AJAP1: variants seen among roughly 807,000 people sequenced by gnomAD.
The protein encoded by AJAP1 is adherens junctions associated protein 1.
AJAP1 carries 5 observed loss-of-function variants against 35.0 expected under a neutral mutation model. The observed-to-expected ratio is 0.14, with a 90% CI of 0.07 to 0.30. The LOEUF is 0.30. AJAP1 is among the 10% of genes least tolerant of loss of function. AJAP1 has a pLI of 1.00. For missense variants in AJAP1, 586 were observed against 571.0 expected, an observed-to-expected ratio of 1.03 and a Z score of -0.27; for synonymous variants, 284 against 249.3, an observed-to-expected ratio of 1.14 and a Z score of -1.31.
At chr1:4,691,537 GGCCTCCAGGTCC>G (rs1639739311) in intron 1 of AJAP1, among the ~76,000 whole-genome samples, 1 of 152,198 alleles carries the variant, frequency 6.6e-6, no homozygotes, top group Non-Finnish European at 1.5e-5. Context: ...GAGGAGCTTG[GGCCTCCAGGTCC>G]TGTGTGCCTC....
chr1:4,673,702 T>G (rs2100518935), intron 1 of AJAP1, among the ~76,000 whole-genome samples: 1 of 152,266 alleles, frequency 6.6e-6, no homozygotes, highest in South Asian at 2.1e-4. Context: ...ATGTCCTGGC[T>G]TTGTGTCTCT....
rs1642159056 is a variant in AJAP1 at position 4,786,172 on chromosome 1, A to G, written c.*3687A>G. The G allele has an allele frequency of 6.6e-6, 1 of 151,962 alleles. No homozygotes were observed. The highest frequency in any genetic ancestry group is 1.5e-5 in the Non-Finnish European group (1 of 68,014). The allele number at this position is 151,962 out of a possible 1,614,324, so 9.4% of individuals were successfully genotyped here. ...TCTCACGCAACGTGGAAGCGTGGTG[A>G]CACCCTGGGGTGTGTGGAGGTGGCT... On this transcript the variant is annotated 3_prime_UTR_variant, in exon 6 of 6. Transcript: ENST00000378191.
intron 2 of AJAP1, among the ~76,000 whole-genome samples, chr1:4,739,979 A>T (rs760661269): frequency 1.8e-4 from 27 of 152,128 alleles, no homozygotes; most frequent in Admixed American, 3.3e-4. Flanking sequence ...CCAGCTCACG[A>T]CACCTCTCAT....
chr1:4,681,664 C>T (rs1557606484), intron 1 of AJAP1, among the ~76,000 whole-genome samples: 1 of 152,234 alleles, frequency 6.6e-6, no homozygotes. Flanking sequence ...CCAAGCCTCA[C>T]TCCCATCAGA....
Position 4,720,971 on chromosome 1 carries a change from G to A in AJAP1, c.829+8272G>A, listed in dbSNP as rs1640502504. 1.3e-5 allele frequency among the ~76,000 whole-genome samples: 2 copies of A among 152,218 alleles called. No individual in the cohort carries two copies. Among genetic ancestry groups the A allele is most frequent in the Admixed American group, 1.3e-4 (2 of 15,290 alleles). On this transcript the variant is annotated intron_variant, in intron 2 of 5. Coordinates refer to ENST00000378191, the MANE Select transcript of AJAP1 (RefSeq NM_018836.4). The surrounding 1 kb of genome is among the most constrained non-coding windows in gnomAD (Gnocchi z 4.4). ...GAGGCGTGGTTTGTGTGAGCCCCAT[G>A]GAGAGGATGGGGGACAGGGATGGGG...
Position 4,740,740 on chromosome 1 carries a change from C to T in AJAP1, c.829+28041C>T, listed in dbSNP as rs370809635. On this transcript the variant is annotated intron_variant, in intron 2 of 5. Transcript: ENST00000378191. ...GGAGGAGCTTACAGTGAGCCGAGAT[C>T]GCACCACTGCACTCCAGCCTGGGCA... Among the ~76,000 whole-genome samples, 9 of 138,558 alleles carry T rather than the reference C, an allele frequency of 6.5e-5. No homozygotes were observed. In the South Asian group the frequency reaches 7.1e-4, roughly 11 times the overall value. 90.9% of individuals were successfully genotyped at this position (138,558 alleles called of 152,430 possible). A position where few individuals can be genotyped will look rare whatever the true frequency, so the allele number is the denominator to read the frequency against.
chr1:4,783,467 G>GTATA lies in AJAP1; in HGVS notation c.*983_*984insATAT, dbSNP rs1306923807. On this transcript the variant is annotated 3_prime_UTR_variant, in exon 6 of 6. Coordinates refer to ENST00000378191, the MANE Select transcript of AJAP1 (RefSeq NM_018836.4). ...AAGAATGCCAAGGTTTTATATATGT[G>GTATA]TGTGTATATATATATATATATATAT... 6.4e-5 allele frequency: 2 copies of GTATA among 31,364 alleles called. No individual in the cohort carries two copies. The highest frequency in any genetic ancestry group is 4.6e-4 in the African/African-American group (2 of 4,316). 1.9% of individuals were successfully genotyped at this position (31,364 alleles called of 1,614,324 possible).
intron 1 of AJAP1, among the ~76,000 whole-genome samples, chr1:4,699,399 G>A (rs145376977): frequency 3.3e-5 from 5 of 152,314 alleles, no homozygotes; most frequent in Non-Finnish European, 5.9e-5. Flanking sequence ...TGCATACCGA[G>A]TTTCGTAAAT....
rs560135448 is a variant in AJAP1, at chr1:4,692,944, A to G, written c.30-18956A>G. Among the ~76,000 whole-genome samples, 19 of 152,376 alleles carry G rather than the reference A, an allele frequency of 1.2e-4. No homozygotes were observed. Among genetic ancestry groups the G allele is most frequent in the African/African-American group, 4.6e-4 (19 of 41,596 alleles). On this transcript the variant is annotated intron_variant, in intron 1 of 5. Coordinates refer to ENST00000378191, the MANE Select transcript of AJAP1 (RefSeq NM_018836.4). This position sits in a 1 kb window ranked among gnomAD's most constrained non-coding sequence, Gnocchi z 4.4. ...CATTCTGGAACCCAGTGCTCATTGC[A>G]GCTGCTTTATTAGGTGGCTATCAAA...
intron 2 of AJAP1, among the ~76,000 whole-genome samples, chr1:4,767,606 C>A (rs915815390): frequency 3.3e-5 from 5 of 151,078 alleles, no homozygotes; most frequent in African/African-American, 9.7e-5. Flanking sequence ...CCATTATCAT[C>A]ATCACCATCT....
intron 1 of AJAP1, among the ~76,000 whole-genome samples, chr1:4,690,881 G>T (rs1469103120): frequency 1.3e-5 from 2 of 152,202 alleles, no homozygotes; most frequent in African/African-American, 4.8e-5. Flanking sequence ...AGGGAGCAGG[G>T]ACCTTGGGGG....
chr1:4,713,621 C>T (rs925018208), intron 2 of AJAP1, among the ~76,000 whole-genome samples: 2 of 152,226 alleles, frequency 1.3e-5, no homozygotes, highest in Non-Finnish European at 2.9e-5. Context: ...CCCTGGGCAC[C>T]CCGTCACCCT....
In AJAP1 at chr1:4,703,064, T is replaced by G. The variant is rs1299133761; in HGVS notation, c.30-8836T>G. ...CATGCGCGCTGGACGTGTCCGGGCCTGTGATGATGAAAGCCCCTAGGCACC... is the reference window on the plus strand; with the variant it reads ...CATGCGCGCTGGACGTGTCCGGGCCGGTGATGATGAAAGCCCCTAGGCACC... On this transcript the variant is annotated intron_variant, in intron 1 of 5. Transcript: ENST00000378191. Among the ~76,000 whole-genome samples, 3 of 152,154 alleles carry G rather than the reference T, an allele frequency of 2.0e-5. No homozygotes were observed. The East Asian group carries it at 5.8e-4, about 29-fold the overall frequency.
chr1:4,710,035 C>T (rs1205723941), intron 1 of AJAP1, among the ~76,000 whole-genome samples: 1 of 152,106 alleles, frequency 6.6e-6, no homozygotes, highest in Admixed American at 6.5e-5. Context: ...ACTAAACTCT[C>T]CTACACAGAC....
In AJAP1 at chr1:4,716,914, G is replaced by A. The variant is rs3753696; in HGVS notation, c.829+4215G>A. ...TGGCGCTCTGTACAGAAGTGTAGATGGCACTAGCCAAGAACCTCTTGGGAT... is the reference window on the plus strand; with the variant it reads ...TGGCGCTCTGTACAGAAGTGTAGATAGCACTAGCCAAGAACCTCTTGGGAT... On this transcript the variant is annotated intron_variant, in intron 2 of 5. Transcript: ENST00000378191. Among the ~76,000 whole-genome samples, 2,082 of 151,676 alleles carry A rather than the reference G, an allele frequency of 0.014. 103 individuals are homozygous for A. In the East Asian group the frequency reaches 0.17, roughly 12 times the overall value.
intron 3 of AJAP1, among the ~76,000 whole-genome samples, chr1:4,771,417 C>A (rs1185066060): frequency 6.6e-6 from 1 of 152,194 alleles, no homozygotes; most frequent in Non-Finnish European, 1.5e-5. Flanking sequence ...CAGCCCCTCC[C>A]TGTACACAGG....
chr1:4,765,375 AG>A (rs1433088198), intron 2 of AJAP1, among the ~76,000 whole-genome samples: 1 of 152,170 alleles, frequency 6.6e-6, no homozygotes, highest in East Asian at 1.9e-4. Flanking sequence ...AGGATTGCTC[AG>A]GGGCAGCAGG....
chr1:4,761,043 G>C (rs1641552760), intron 2 of AJAP1, among the ~76,000 whole-genome samples: 1 of 152,220 alleles, frequency 6.6e-6, no homozygotes, highest in Non-Finnish European at 1.5e-5. Context: ...AACGTGAAGT[G>C]AGGGCTCTGT....
chr1:4,700,240 G>A (rs974310802), intron 1 of AJAP1, among the ~76,000 whole-genome samples: 8 of 152,136 alleles, frequency 5.3e-5, no homozygotes, highest in African/African-American at 7.2e-5. Context: ...GCTGTATCTC[G>A]GGTTGAAATG....
Sources: gnomAD v4.1 joint callset for allele counts (sites outside exome capture counted in the v4.1 genomes callset) on GRCh38, gnomAD v4.1.1 for gene constraint, Gnocchi (gnomAD v3.1) non-coding constraint, MANE v1.5 for transcripts, NCBI Gene and HGNC (gene_info 2026-07-23, HGNC 2026-07-21) for gene names.